The following TRAM1 variants were observed in gnomAD, a reference collection of about 807,000 sequenced individuals.
TRAM1 encodes the protein translocating chain-associated membrane protein 1.
Under a neutral mutation model 48.7 loss-of-function variants are expected in TRAM1, and 17 were observed. The observed-to-expected ratio is 0.35, with a 90% CI of 0.24 to 0.52. The LOEUF (loss-of-function observed/expected upper bound fraction) is 0.52, where lower values mean the gene tolerates loss of function less well. Ranked by LOEUF, TRAM1 falls within the 20% of genes least tolerant of loss-of-function variation. TRAM1 has a pLI of 0.94. For missense variants in TRAM1, 351 were observed against 441.5 expected (o/e 0.79, Z 1.84); for synonymous variants, 182 against 154.0 (o/e 1.18, Z -1.34).
At chr8:70,590,366 A>T (rs545405848) in intron 6 of TRAM1, among the ~76,000 whole-genome samples, 1 of 152,336 alleles carries the variant, frequency 6.6e-6, no homozygotes, top group Admixed American at 6.5e-5. Flanking sequence ...TCCATTTCTG[A>T]TCTTTTGTCT....
chr8:70,576,238 G>T (rs1464726598), intron 10 of TRAM1, among the ~76,000 whole-genome samples: 1 of 151,988 alleles, frequency 6.6e-6, no homozygotes, highest in Non-Finnish European at 1.5e-5. Flanking sequence ...TCTCAAGAAG[G>T]TAAATCACAA....
intron 10 of TRAM1, among the ~76,000 whole-genome samples, chr8:70,575,365 G>GTGTT (rs1816924368): frequency 1.3e-5 from 2 of 152,144 alleles, no homozygotes; most frequent in Non-Finnish European, 2.9e-5. Context: ...AGTAAAGTTG[G>GTGTT]TGTTTAGGAT....
chr8:70,576,446 GA>G (rs953719706), intron 10 of TRAM1, among the ~76,000 whole-genome samples: 13 of 152,144 alleles, frequency 8.5e-5, no homozygotes, highest in African/African-American at 3.1e-4. Flanking sequence ...ACAGGATAAC[GA>G]AAGTCATATG....
chr8:70,596,398 T>A, intron 4 of TRAM1, 77 bp from the exon 5 acceptor site: 2 of 1,132,472 alleles, frequency 1.8e-6, no homozygotes, highest in Non-Finnish European at 2.5e-6. Context: ...CTTTCATTTC[T>A]CAAACATTTA....
chr8:70,595,701 T>C (rs376617986), intron 5 of TRAM1, among the ~76,000 whole-genome samples: 3 of 152,010 alleles, frequency 2.0e-5, no homozygotes, highest in South Asian at 2.1e-4. Context: ...AATGACAAAT[T>C]TGGGGATACA....
chr8:70,599,904 C>A (rs563263895), intron 2 of TRAM1, 115 bp downstream of exon 2: 4 of 770,414 alleles, frequency 5.2e-6, no homozygotes, highest in Non-Finnish European at 9.0e-6. Flanking sequence ...TCAGTCACAT[C>A]ATGGATGAGA....
At chr8:70,607,584 G>C in intron 1 of TRAM1, 1 of 722,854 alleles carries the variant, frequency 1.4e-6, no homozygotes, top group South Asian at 6.2e-5. Context: ...TCTCCAGGCC[G>C]GCACTCCTCA....
At chr8:70,600,201 C>A (rs1447999700) in intron 1 of TRAM1, 119 bp from the exon 2 acceptor site, 4 of 694,610 alleles carry the variant, frequency 5.8e-6, no homozygotes, top group Non-Finnish European at 9.9e-6. Context: ...CTCCTCGTTC[C>A]TGTGGAATCC....
At chr8:70,600,872 G>A (rs1302536283) in intron 1 of TRAM1, among the ~76,000 whole-genome samples, 1 of 152,116 alleles carries the variant, frequency 6.6e-6, no homozygotes, top group African/African-American at 2.4e-5. Flanking sequence ...GTTCACAAAG[G>A]GGGATGAAGA....
At chr8:70,584,556 CCTT>C (rs1817162802) in intron 8 of TRAM1, among the ~76,000 whole-genome samples, 1 of 152,186 alleles carries the variant, frequency 6.6e-6, no homozygotes, top group Non-Finnish European at 1.5e-5. Context: ...CCCAAAATCT[CCTT>C]AAGCTGATAA....
chr8:70,580,489 T>G (rs995306910), intron 10 of TRAM1, among the ~76,000 whole-genome samples: 2 of 152,030 alleles, frequency 1.3e-5, no homozygotes, highest in Admixed American at 1.3e-4. Context: ...AAAAAGCAAT[T>G]GACAAAATCT....
At position 70,596,120 on chromosome 8, in the gene TRAM1, C is replaced by A. The variant is rs773472798; in HGVS notation, c.485+143G>T. The A allele has an allele frequency of 1.5e-5, 8 of 521,158 alleles. No individual in the cohort carries two copies. The East Asian group carries it at 2.5e-4, about 17-fold the overall frequency. 32.3% of individuals were successfully genotyped at this position (521,158 alleles called of 1,614,324 possible). A position where few individuals can be genotyped will look rare whatever the true frequency, so the allele number is the denominator to read the frequency against. The stretch of plus-strand genomic sequence containing the variant: ...AAGGTACACAGCTTTTTTTTTCTTA[C>A]GGCAGTGGGACTGTCAAAGACATAT... On this transcript the variant is annotated intron_variant, in intron 5 of 10. Transcript: ENST00000262213.
intron 8 of TRAM1, among the ~76,000 whole-genome samples, chr8:70,584,215 T>C (rs905713230): frequency 3.9e-5 from 6 of 152,216 alleles, no homozygotes; most frequent in African/African-American, 1.4e-4. Flanking sequence ...AATTTTCTGT[T>C]TAGCTTATCT....
At chr8:70,575,670 A>G (rs1368775310) in intron 10 of TRAM1, among the ~76,000 whole-genome samples, 2 of 152,232 alleles carry the variant, frequency 1.3e-5, no homozygotes, top group Non-Finnish European at 2.9e-5. Flanking sequence ...AGTTGCATAC[A>G]GAAATGGATG....
chr8:70,590,237 A>C (rs930169714), intron 6 of TRAM1, among the ~76,000 whole-genome samples: 6 of 151,788 alleles, frequency 4.0e-5, no homozygotes, highest in African/African-American at 1.5e-4. Context: ...AATACAAGTA[A>C]GTTTTTAAAA....
At chr8:70,585,326 G>C (rs1817186532) in intron 8 of TRAM1, among the ~76,000 whole-genome samples, 1 of 151,970 alleles carries the variant, frequency 6.6e-6, no homozygotes, top group South Asian at 2.1e-4. Flanking sequence ...AAAAACCCTA[G>C]AAGAAAACCT....
intron 10 of TRAM1, among the ~76,000 whole-genome samples, chr8:70,578,871 G>A (rs935721264): frequency 6.6e-6 from 1 of 152,188 alleles, no homozygotes; most frequent in Non-Finnish European, 1.5e-5. Context: ...GGAATTCAGC[G>A]AAAGTGATGT....
chr8:70,585,649 C>T (rs1297024613), intron 8 of TRAM1, among the ~76,000 whole-genome samples: 1 of 139,406 alleles, frequency 7.2e-6, no homozygotes, highest in African/African-American at 2.6e-5. Context: ...GATATTTATG[C>T]AGCCAAAAAA....
intron 5 of TRAM1, 22 bp from the exon 6 acceptor site, chr8:70,594,612 A>T (rs754286488): frequency 1.3e-6 from 2 of 1,550,042 alleles, no homozygotes; most frequent in East Asian, 4.6e-5. Flanking sequence ...AAGAAAATGA[A>T]GAGTACCTTT....
Sources: allele counts gnomAD v4.1 joint callset (sites outside exome capture counted in the v4.1 genomes callset), GRCh38; gene constraint gnomAD v4.1.1; transcripts MANE v1.5; gene names NCBI Gene and HGNC (gene_info 2026-07-23, HGNC 2026-07-21).